PAPPA: variants seen among roughly 807,000 people sequenced by gnomAD.
PAPPA encodes the protein pappalysin 1.
In PAPPA, 60 loss-of-function variants were observed where a neutral mutation model predicts 164.0. The observed-to-expected ratio is 0.37, with a 90% CI of 0.30 to 0.45. The LOEUF (loss-of-function observed/expected upper bound fraction) is 0.45. PAPPA is among the 20% of genes least tolerant of loss of function. The pLI, the probability that PAPPA is intolerant of heterozygous loss-of-function variation, is 1.00. For missense variants in PAPPA, 1,782 were observed against 2,087.3 expected, an observed-to-expected ratio of 0.85 and a Z score of 2.85; for synonymous variants, 875 against 814.1, an observed-to-expected ratio of 1.07 and a Z score of -1.27.
At chr9:116,301,085 T>A (rs991576122) in intron 9 of PAPPA, among the ~76,000 whole-genome samples, 6 of 152,022 alleles carry the variant, frequency 3.9e-5, no homozygotes, top group African/African-American at 1.4e-4. Flanking sequence ...CTAAATTCAG[T>A]GCCCTCTCCA....
chr9:116,327,257 C>G (rs1327859350), intron 10 of PAPPA, among the ~76,000 whole-genome samples: 2 of 152,194 alleles, frequency 1.3e-5, no homozygotes, highest in Non-Finnish European at 2.9e-5. Context: ...GTGTTACTTC[C>G]TGACATCTCT....
intron 1 of PAPPA, among the ~76,000 whole-genome samples, chr9:116,175,019 C>T (rs1487280667): frequency 1.3e-5 from 2 of 152,164 alleles, no homozygotes; most frequent in African/African-American, 4.8e-5. Context: ...AGAAAACGGA[C>T]ACCTGAGAGA....
At chr9:116,188,470 C>A (rs1458445692) in intron 2 of PAPPA, among the ~76,000 whole-genome samples, 1 of 151,992 alleles carries the variant, frequency 6.6e-6, no homozygotes, top group Non-Finnish European at 1.5e-5. Context: ...CTCAAAGAGC[C>A]CAGAGTTCAA....
chr9:116,286,726 A>G (rs574339824), intron 9 of PAPPA: 25 of 152,360 alleles, frequency 1.6e-4, no homozygotes, highest in Admixed American at 4.6e-4. Flanking sequence ...ACAAGGTAGC[A>G]GAGACAGATT....
chr9:116,275,242 T>A lies in PAPPA; in HGVS notation c.2953+3826T>A, dbSNP rs377017695. Among the ~76,000 whole-genome samples, 10 of 152,350 alleles carry A rather than the reference T, an allele frequency of 6.6e-5. No individual in the cohort carries two copies. The South Asian group carries it at 1.5e-3, about 22-fold the overall frequency. On this transcript the variant is annotated intron_variant, in intron 9 of 21. Transcript: ENST00000328252. Reference sequence around the variant, plus strand: ...TTATTGCCATAAGATAATGTGAGATTTAACCCCATTTCTAGCAAGTTGGAT... The same window carrying A: ...TTATTGCCATAAGATAATGTGAGATATAACCCCATTTCTAGCAAGTTGGAT...
intron 10 of PAPPA, among the ~76,000 whole-genome samples, chr9:116,304,804 G>T (rs1845623198): frequency 1.3e-5 from 2 of 152,022 alleles, no homozygotes; most frequent in African/African-American, 4.8e-5. Flanking sequence ...TCATCCTATT[G>T]AATTATTCAT....
chr9:116,339,683 T>C (rs1315586533), intron 13 of PAPPA, among the ~76,000 whole-genome samples: 1 of 152,230 alleles, frequency 6.6e-6, no homozygotes, highest in African/African-American at 2.4e-5. Context: ...ACAGCCTTTC[T>C]GTTTTTATCT....
At chr9:116,286,909 G>A (rs1052039346) in intron 9 of PAPPA, 2 of 152,130 alleles carry the variant, frequency 1.3e-5, no homozygotes, top group African/African-American at 2.4e-5. Context: ...CGGACTCAGG[G>A]CTAAAGTGTG....
At chr9:116,205,076 T>C (rs1203748131) in intron 2 of PAPPA, among the ~76,000 whole-genome samples, 1 of 151,752 alleles carries the variant, frequency 6.6e-6, no homozygotes, top group Admixed American at 6.5e-5. Flanking sequence ...TTGCTTTTTT[T>C]TTTTTTCCCC....
intron 9 of PAPPA, among the ~76,000 whole-genome samples, chr9:116,285,355 C>T (rs1026535592): frequency 5.9e-5 from 9 of 151,796 alleles, no homozygotes; most frequent in African/African-American, 2.2e-4. Flanking sequence ...TTTTTGTAGA[C>T]ATGGGGTCTC....
chr9:116,391,131 C>G (rs1846886973), intron 21 of PAPPA, among the ~76,000 whole-genome samples: 1 of 152,164 alleles, frequency 6.6e-6, no homozygotes, highest in South Asian at 2.1e-4. Flanking sequence ...CTAATTTACC[C>G]ATATTTTTTC....
chr9:116,379,029 C>A (rs914793268), intron 20 of PAPPA, among the ~76,000 whole-genome samples: 7 of 152,224 alleles, frequency 4.6e-5, no homozygotes, highest in African/African-American at 1.7e-4. Flanking sequence ...ATCAATCCAG[C>A]ATTTTGGGAA....
At chr9:116,360,727 A>T (rs1846415583) in intron 17 of PAPPA, among the ~76,000 whole-genome samples, 2 of 152,178 alleles carry the variant, frequency 1.3e-5, no homozygotes, top group African/African-American at 4.8e-5. Flanking sequence ...ACAATTCTTG[A>T]ATGAGCAAAA....
chr9:116,224,497 G>A (rs149397672), intron 5 of PAPPA, among the ~76,000 whole-genome samples: 1 of 152,252 alleles, frequency 6.6e-6, no homozygotes, highest in Admixed American at 6.5e-5. Flanking sequence ...AATGATTTGT[G>A]TAACTATTTC....
At chr9:116,243,079 T>A (rs529289877) in intron 7 of PAPPA, among the ~76,000 whole-genome samples, 1 of 152,196 alleles carries the variant, frequency 6.6e-6, no homozygotes, top group Non-Finnish European at 1.5e-5. Context: ...CCCTATTGCA[T>A]GTCCATTAAT....
intron 10 of PAPPA, among the ~76,000 whole-genome samples, chr9:116,326,288 T>C (rs1323440240): frequency 6.6e-6 from 1 of 152,208 alleles, no homozygotes; most frequent in Non-Finnish European, 1.5e-5. Flanking sequence ...AAATATTTAA[T>C]GTATTTATAC....
chr9:116,208,388 G>T (rs545940911), intron 3 of PAPPA, among the ~76,000 whole-genome samples: 48 of 151,274 alleles, frequency 3.2e-4, no homozygotes, highest in African/African-American at 1.1e-3. Flanking sequence ...TTTCCATGTC[G>T]CAGAAGTCTT....
At chr9:116,357,237 T>A (rs1271626447) in intron 17 of PAPPA, among the ~76,000 whole-genome samples, 1 of 152,228 alleles carries the variant, frequency 6.6e-6, no homozygotes, top group African/African-American at 2.4e-5. Flanking sequence ...AGCAACAAAA[T>A]GTTAACTTTT....
At chr9:116,366,778 A>T (rs1459515595) in intron 18 of PAPPA, among the ~76,000 whole-genome samples, 1 of 152,202 alleles carries the variant, frequency 6.6e-6, no homozygotes, top group Non-Finnish European at 1.5e-5. Context: ...TCATGTGACA[A>T]TTCTGTCATG....
Sources: allele counts gnomAD v4.1 joint callset (sites outside exome capture counted in the v4.1 genomes callset), GRCh38; gene constraint gnomAD v4.1.1; transcripts MANE v1.5; gene names NCBI Gene and HGNC (gene_info 2026-07-23, HGNC 2026-07-21).